The following RBM6 variants were observed in gnomAD, a reference collection of about 807,000 sequenced individuals.
The protein encoded by RBM6 is RNA-binding protein 6.
A neutral mutation model predicts 140.4 loss-of-function variants in RBM6; 23 were observed. That is an observed-to-expected ratio of 0.16 (90% CI 0.12 to 0.23). The LOEUF is 0.23. Among genes scored for constraint, RBM6 ranks in the 10% least tolerant of loss-of-function variants. The probability of loss-of-function intolerance (pLI) is 1.00; values close to 1 mark genes in which losing one functional copy is unlikely to be tolerated. For missense variants in RBM6, 1,139 were observed against 1,386.7 expected (o/e 0.82, Z 2.84); for synonymous variants, 439 against 475.6 (o/e 0.92, Z 1.00).
At chr3:50,059,774 T>C (rs370290465) in intron 11 of RBM6, 28 bp downstream of exon 11, 21 of 1,567,772 alleles carry the variant, frequency 1.3e-5, no homozygotes, top group Non-Finnish European at 1.7e-5. Context: ...GGATCTCTTG[T>C]GCTGCCCCCA....
At chr3:50,060,164 A>C (rs905794167) in intron 11 of RBM6, among the ~76,000 whole-genome samples, 11 of 152,208 alleles carry the variant, frequency 7.2e-5, no homozygotes, top group African/African-American at 2.7e-4. Flanking sequence ...CTATCTCTTA[A>C]CAAAAAAATG....
intron 1 of RBM6, among the ~76,000 whole-genome samples, chr3:49,961,799 T>TA (rs201999999): frequency 0.082 from 11,312 of 138,258 alleles, 465 homozygotes; most frequent in African/African-American, 0.11. Flanking sequence ...ATTCTGTCTT[T>TA]AAAAAAAAAA....
chr3:50,001,738 GT>G (rs2086338820), intron 6 of RBM6, among the ~76,000 whole-genome samples: 1 of 152,172 alleles, frequency 6.6e-6, no homozygotes, highest in South Asian at 2.1e-4. Flanking sequence ...TGTGCTTTCG[GT>G]GGATCCTATT....
rs777143428 is a variant in RBM6, at chr3:50,075,024, C to T, written c.3117-177C>T. 5.7e-5 allele frequency: 37 copies of T among 649,834 alleles called. 1 individual carries two copies. The highest frequency in any genetic ancestry group is 4.4e-4 in the Middle Eastern group (1 of 2,276). The allele number at this position is 649,834 out of a possible 1,614,324, so 40.3% of individuals were successfully genotyped here. A position where few individuals can be genotyped will look rare whatever the true frequency, so the allele number is the denominator to read the frequency against. On this transcript the variant is annotated intron_variant, in intron 19 of 20. Transcript: ENST00000266022. ...ATTAAAAATTAGCCAGGTGTGGTGG[C>T]GGGCACCTGCAATCCCAGCTAATCG...
At chr3:49,998,306 A>G (rs1007886030) in intron 5 of RBM6, among the ~76,000 whole-genome samples, 2 of 152,194 alleles carry the variant, frequency 1.3e-5, no homozygotes, top group Non-Finnish European at 1.5e-5. Context: ...ATTGTTATAT[A>G]TACTTTGTGG....
chr3:50,002,210 C>T (rs1165569967), intron 6 of RBM6, among the ~76,000 whole-genome samples: 1 of 151,994 alleles, frequency 6.6e-6, no homozygotes, highest in Non-Finnish European at 1.5e-5. Flanking sequence ...GTCTCAGCCT[C>T]CCAGGTAGCT....
At chr3:49,996,380 A>G (rs572025365) in intron 5 of RBM6, among the ~76,000 whole-genome samples, 1 of 152,302 alleles carries the variant, frequency 6.6e-6, no homozygotes, top group Admixed American at 6.5e-5. Context: ...TTTATCTTAC[A>G]TGCTGACTTT....
At chr3:49,975,921 T>C (rs1251782780) in intron 5 of RBM6, among the ~76,000 whole-genome samples, 1 of 152,190 alleles carries the variant, frequency 6.6e-6, no homozygotes, top group Non-Finnish European at 1.5e-5. Context: ...TGTTCTGTGG[T>C]CTGAATGGTA....
intron 1 of RBM6, among the ~76,000 whole-genome samples, chr3:49,951,395 A>ATG (rs111957480): frequency 0.033 from 5,001 of 149,708 alleles, 288 homozygotes; most frequent in African/African-American, 0.11. Flanking sequence ...GTGTGTGTAT[A>ATG]TGTGTGTGTG....
chr3:50,014,334 T>C (rs1350787867), intron 6 of RBM6, among the ~76,000 whole-genome samples: 2 of 152,196 alleles, frequency 1.3e-5, no homozygotes, highest in Admixed American at 6.5e-5. Flanking sequence ...ATAAGTTCTT[T>C]AAATAATCAA....
chr3:49,972,684 G>A (rs2084857846), intron 4 of RBM6, among the ~76,000 whole-genome samples: 1 of 152,182 alleles, frequency 6.6e-6, no homozygotes, highest in Non-Finnish European at 1.5e-5. Context: ...ATTACTGTAT[G>A]TAATTGTTCT....
chr3:49,959,485 C>T (rs909933713), intron 1 of RBM6, among the ~76,000 whole-genome samples: 9 of 151,344 alleles, frequency 5.9e-5, no homozygotes, highest in Admixed American at 1.3e-4. Context: ...AGGTGTGAGC[C>T]GCCTCGCCCG....
chr3:50,016,824 G>GTTTTT (rs71080567), intron 6 of RBM6, among the ~76,000 whole-genome samples: 4 of 86,052 alleles, frequency 4.6e-5, no homozygotes, highest in African/African-American at 1.1e-4. Context: ...CATGCCTAGC[G>GTTTTT]TTTTTTTTTT....
At chr3:50,033,370 T>C (rs2088298901) in intron 6 of RBM6, among the ~76,000 whole-genome samples, 1 of 152,194 alleles carries the variant, frequency 6.6e-6, no homozygotes, top group Admixed American at 6.5e-5. Context: ...ACTATAATCT[T>C]GAGCTCCTGA....
chr3:49,973,675 G>T (rs1255329375), intron 4 of RBM6, among the ~76,000 whole-genome samples: 1 of 132,882 alleles, frequency 7.5e-6, no homozygotes, highest in Non-Finnish European at 1.6e-5. Context: ...AACCTCTGCC[G>T]CCAGGGTTCA....
intron 5 of RBM6, among the ~76,000 whole-genome samples, chr3:49,990,547 A>G (rs1016721959): frequency 4.6e-5 from 7 of 152,246 alleles, no homozygotes; most frequent in South Asian, 2.1e-4. Context: ...GTTATAATAG[A>G]AAATAAAATT....
chr3:50,070,986 G>A (rs1297262079), intron 19 of RBM6, among the ~76,000 whole-genome samples: 1 of 152,182 alleles, frequency 6.6e-6, no homozygotes. Flanking sequence ...TTCCCAAGTT[G>A]TAAGCCCAGA....
intron 3 of RBM6, 146 bp from the exon 4 acceptor site, chr3:49,971,913 C>G (rs2084810306): frequency 3.2e-6 from 2 of 618,952 alleles, no homozygotes. Context: ...TTCTGGCACT[C>G]AGAACAATAG....
intron 6 of RBM6, among the ~76,000 whole-genome samples, chr3:50,033,489 AC>A (rs1165023719): frequency 1.3e-5 from 2 of 152,084 alleles, no homozygotes; most frequent in African/African-American, 2.4e-5. Context: ...CTTTAAAATG[AC>A]CCATAGGCTG....
Sources: gnomAD v4.1 joint callset for allele counts (sites outside exome capture counted in the v4.1 genomes callset) on GRCh38, gnomAD v4.1.1 for gene constraint, MANE v1.5 for transcripts, NCBI Gene and HGNC (gene_info 2026-07-23, HGNC 2026-07-21) for gene names.